The following TRANK1 variants were observed in gnomAD, a reference collection of about 807,000 sequenced individuals.
TRANK1 encodes the protein TPR and ankyrin repeat-containing protein 1.
A neutral mutation model predicts 266.0 loss-of-function variants in TRANK1; 198 were observed. The observed-to-expected ratio is 0.74, with a 90% CI of 0.66 to 0.84. The LOEUF (loss-of-function observed/expected upper bound fraction) is 0.84, where lower values mean the gene tolerates loss of function less well. TRANK1 is among the 40% of genes least tolerant of loss of function. The probability of loss-of-function intolerance (pLI) is 0.00; values close to 1 mark genes in which losing one functional copy is unlikely to be tolerated. For missense variants in TRANK1, 3,326 were observed against 3,634.6 expected, an observed-to-expected ratio of 0.92 and a Z score of 2.18; for synonymous variants, 1,396 against 1,384.1, an observed-to-expected ratio of 1.01 and a Z score of -0.19.
intron 1 of TRANK1, among the ~76,000 whole-genome samples, chr3:36,932,309 G>A (rs756056185): frequency 1.3e-5 from 2 of 152,114 alleles, no homozygotes; most frequent in Non-Finnish European, 2.9e-5. Context: ...AGTGGCTCAC[G>A]CCTGTAATCC....
intron 4 of TRANK1, among the ~76,000 whole-genome samples, chr3:36,897,851 C>T (rs1181615328): frequency 6.6e-6 from 1 of 152,192 alleles, no homozygotes; most frequent in African/African-American, 2.4e-5. Flanking sequence ...CCATCACTGC[C>T]AAGGAGTGAA....
chr3:36,876,301 G>A (rs962483573), intron 8 of TRANK1, among the ~76,000 whole-genome samples: 1 of 152,180 alleles, frequency 6.6e-6, no homozygotes, highest in Non-Finnish European at 1.5e-5. Context: ...ACTTAACCAG[G>A]ATCTGGCCAT....
rs180724893 is a variant in TRANK1, at chr3:36,850,192, G to C, written c.4887+1527C>G. ...GGAGAGCCTCAGTCCAACCATGACC[G>C]ATGGATGTATCATTAGAAAAAAAAG... On this transcript the variant is annotated intron_variant, in intron 15 of 23. Transcript: ENST00000645898. 5.1e-6 allele frequency: 5 copies of C among 985,248 alleles called. No homozygotes were observed. The African/African-American group carries it at 8.7e-5, about 17-fold the overall frequency. The allele number at this position is 985,248 out of a possible 1,614,324, so 61.0% of individuals were successfully genotyped here. A position where few individuals can be genotyped will look rare whatever the true frequency, so the allele number is the denominator to read the frequency against.
At chr3:36,941,653 C>T (rs983023821) in intron 1 of TRANK1, among the ~76,000 whole-genome samples, 2 of 152,164 alleles carry the variant, frequency 1.3e-5, no homozygotes, top group Non-Finnish European at 2.9e-5. Context: ...TCCAAAGATG[C>T]CTGTTTATCT....
At chr3:36,927,892 A>T (rs2080310153) in intron 1 of TRANK1, among the ~76,000 whole-genome samples, 1 of 152,120 alleles carries the variant, frequency 6.6e-6, no homozygotes, top group Non-Finnish European at 1.5e-5. Flanking sequence ...TCCTATTCCC[A>T]CCTCAGAGAA....
At chr3:36,892,874 T>TATATAG in intron 6 of TRANK1, 27 bp downstream of exon 6, 1 of 824,568 alleles carries the variant, frequency 1.2e-6, no homozygotes, top group East Asian at 3.9e-5. Context: ...TATATATAGA[T>TATATAG]ATATATAGAT....
At chr3:36,834,721 G>C (rs1292278282) in intron 21 of TRANK1, 41 bp downstream of exon 21, 1 of 1,585,650 alleles carries the variant, frequency 6.3e-7, no homozygotes, top group Admixed American at 1.7e-5. Context: ...GAGAGAAGTG[G>C]GAGGAAGAGA....
Position 36,838,674 on chromosome 3 carries a change from C to T in TRANK1, c.5323G>A (p.Glu1775Lys), listed in dbSNP as rs1418959904. ...CYQKGGAFEK[E>K]KLALAHDTAL... ...GTGTCATGGGCCAGGGCCAACTTCT[C>T]CTTCTCAAATGCACCTCCTTTCTGG... Residue 1775 changes from glutamate to lysine, a missense_variant, in exon 19 of 24, where the codon GAG (glutamate) becomes AAG (lysine). Coordinates refer to ENST00000645898, the MANE Select transcript of TRANK1 (RefSeq NM_001329998.2). 1.2e-6 allele frequency: 2 copies of T among 1,613,726 alleles called. No individual in the cohort carries two copies. The highest frequency in any genetic ancestry group is 1.3e-5 in the African/African-American group (1 of 74,932).
At position 36,851,868 on chromosome 3, in the gene TRANK1, CA is replaced by C. The variant is rs1289127350; in HGVS notation, c.4750-13del. Reference sequence around the variant, plus strand: ...GCCACAAGGATTACCTGAAGAAAAACAAAAGAACATCAAATTCTACAGAGAA... The same window carrying C: ...GCCACAAGGATTACCTGAAGAAAAACAAAGAACATCAAATTCTACAGAGAA... On this transcript the variant is annotated splice_polypyrimidine_tract_variant and intron_variant, in intron 14 of 23. Coordinates refer to ENST00000645898, the MANE Select transcript of TRANK1 (RefSeq NM_001329998.2). 6.3e-7 allele frequency: 1 copy of C among 1,580,148 alleles called. No homozygotes were observed. The highest frequency in any genetic ancestry group is 8.6e-7 in the Non-Finnish European group (1 of 1,165,156).
At chr3:36,875,360 G>C (rs552371423) in intron 8 of TRANK1, among the ~76,000 whole-genome samples, 1 of 152,246 alleles carries the variant, frequency 6.6e-6, no homozygotes, top group African/African-American at 2.4e-5. Flanking sequence ...GACAAGGAAT[G>C]TGTGTGGCCT....
chr3:36,844,087 G>A (rs2078883767), intron 17 of TRANK1, among the ~76,000 whole-genome samples: 2 of 152,144 alleles, frequency 1.3e-5, no homozygotes, highest in Admixed American at 1.3e-4. Flanking sequence ...CTTAAAATTT[G>A]TAATTAAGAC....
At chr3:36,936,630 A>G (rs779112841) in intron 1 of TRANK1, among the ~76,000 whole-genome samples, 4 of 152,226 alleles carry the variant, frequency 2.6e-5, no homozygotes, top group Non-Finnish European at 5.9e-5. Context: ...TAACTCCAAA[A>G]AAAAAGGATG....
At chr3:36,900,632 T>G (rs2079860624) in intron 3 of TRANK1, among the ~76,000 whole-genome samples, 1 of 151,770 alleles carries the variant, frequency 6.6e-6, no homozygotes, top group Admixed American at 6.6e-5. Context: ...TTCCAGCACT[T>G]TGGGAGGCCA....
At chr3:36,937,038 A>T (rs1036931663) in intron 1 of TRANK1, among the ~76,000 whole-genome samples, 5 of 152,180 alleles carry the variant, frequency 3.3e-5, no homozygotes, top group South Asian at 2.1e-4. Flanking sequence ...CGGAGGTTGC[A>T]GTGAGCCGAG....
rs1575231112 is a variant in TRANK1 at position 36,869,428 on chromosome 3, G to T, written c.1078+4698C>A. 2.6e-5 allele frequency among the ~76,000 whole-genome samples: 4 copies of T among 152,306 alleles called. No homozygotes were observed. In the East Asian group the frequency reaches 7.7e-4, roughly 29 times the overall value. ...ATCTTTCATCATGGTCTGTAAATTGGAATGTTCATTCATCTGGATGTAAAA... is the reference window on the plus strand; with the variant it reads ...ATCTTTCATCATGGTCTGTAAATTGTAATGTTCATTCATCTGGATGTAAAA... On this transcript the variant is annotated intron_variant, in intron 9 of 23. Coordinates refer to ENST00000645898, the MANE Select transcript of TRANK1 (RefSeq NM_001329998.2).
intron 8 of TRANK1, among the ~76,000 whole-genome samples, chr3:36,889,352 T>G (rs2079653880): frequency 6.6e-6 from 1 of 152,174 alleles, no homozygotes; most frequent in South Asian, 2.1e-4. Context: ...AGCTTTTCCT[T>G]GCATGTGCAA....
intron 10 of TRANK1, among the ~76,000 whole-genome samples, chr3:36,862,647 C>T (rs2079157276): frequency 6.6e-6 from 1 of 152,166 alleles, no homozygotes; most frequent in African/African-American, 2.4e-5. Context: ...CAGAGGTATA[C>T]ATCATGATCC....
chr3:36,940,080 C>T (rs1488080334), intron 1 of TRANK1, among the ~76,000 whole-genome samples: 1 of 151,478 alleles, frequency 6.6e-6, no homozygotes. Flanking sequence ...TTAATGGAGA[C>T]AGGGTTTCAC....
chr3:36,830,215 T>C (rs1377475017), intron 22 of TRANK1, among the ~76,000 whole-genome samples: 1 of 151,826 alleles, frequency 6.6e-6, no homozygotes, highest in Non-Finnish European at 1.5e-5. Context: ...CTTGGGAGGC[T>C]GAGGCAGGTG....
Sources: gnomAD v4.1 joint callset for allele counts (sites outside exome capture counted in the v4.1 genomes callset) on GRCh38, gnomAD v4.1.1 for gene constraint, MANE v1.5 for transcripts, NCBI Gene and HGNC (gene_info 2026-07-23, HGNC 2026-07-21) for gene names.